Variants in ARMC3 observed in about 807,000 individuals in gnomAD.
The protein encoded by ARMC3 is armadillo repeat-containing protein 3.
Under a neutral mutation model 90.3 loss-of-function variants are expected in ARMC3, and 74 were observed. That is an observed-to-expected ratio of 0.82 (90% CI 0.68 to 0.99). The LOEUF (loss-of-function observed/expected upper bound fraction) is 0.99. ARMC3 is among the 50% of genes least tolerant of loss of function. ARMC3 has a pLI of 0.00. For synonymous variants in ARMC3, 334 were observed against 361.8 expected (o/e 0.92, Z 0.87); for missense variants, 958 against 1,042.8 (o/e 0.92, Z 1.12).
At chr10:22,988,614 T>C (rs557193678) in intron 10 of ARMC3, among the ~76,000 whole-genome samples, 123 of 152,318 alleles carry the variant, frequency 8.1e-4, no homozygotes, top group African/African-American at 2.7e-3. Context: ...CTGAGTGCAG[T>C]GAATGATGAT....
chr10:22,970,385 G>C (rs144557063), intron 8 of ARMC3, among the ~76,000 whole-genome samples: 2 of 152,174 alleles, frequency 1.3e-5, no homozygotes, highest in Non-Finnish European at 2.9e-5. Flanking sequence ...AACACTGAGC[G>C]CTCAGGCTAT....
At chr10:22,951,553 C>T (rs1834740675) in intron 3 of ARMC3, among the ~76,000 whole-genome samples, 1 of 151,158 alleles carries the variant, frequency 6.6e-6, no homozygotes, top group South Asian at 2.1e-4. Flanking sequence ...TAAGTGATTC[C>T]AATAACACAA....
intron 7 of ARMC3, among the ~76,000 whole-genome samples, chr10:22,963,406 T>C (rs1835289246): frequency 6.6e-6 from 1 of 152,100 alleles, no homozygotes; most frequent in Non-Finnish European, 1.5e-5. Context: ...TGTATATATG[T>C]ATATATTCTA....
intron 16 of ARMC3, among the ~76,000 whole-genome samples, chr10:23,014,771 A>C (rs1053710568): frequency 3.3e-5 from 5 of 151,204 alleles, no homozygotes; most frequent in African/African-American, 1.2e-4. Context: ...GGACCCATAG[A>C]GGGGAACAAC....
chr10:22,976,229 GTCCTCTTTTT>G (rs1835915914), intron 8 of ARMC3, among the ~76,000 whole-genome samples: 2 of 152,110 alleles, frequency 1.3e-5, no homozygotes, highest in African/African-American at 4.8e-5. Context: ...TTGCCCCAGG[GTCCTCTTTTT>G]CTCCTTTTCT....
At chr10:22,974,730 G>C (rs1476295951) in intron 8 of ARMC3, among the ~76,000 whole-genome samples, 2 of 151,868 alleles carry the variant, frequency 1.3e-5, no homozygotes, top group Non-Finnish European at 2.9e-5. Context: ...GCAACCTCCG[G>C]CTCCTGGGTC....
intron 3 of ARMC3, among the ~76,000 whole-genome samples, chr10:22,954,949 T>C (rs1834870266): frequency 6.6e-6 from 1 of 152,136 alleles, no homozygotes; most frequent in Non-Finnish European, 1.5e-5. Context: ...TCAGTCTGCG[T>C]CCTAAGGCCA....
chr10:22,936,722 T>G (rs948991921), intron 2 of ARMC3, among the ~76,000 whole-genome samples: 1 of 152,184 alleles, frequency 6.6e-6, no homozygotes, highest in Non-Finnish European at 1.5e-5. Flanking sequence ...ATAGCTATCA[T>G]TTATTCTCAG....
intron 16 of ARMC3, among the ~76,000 whole-genome samples, chr10:23,012,359 A>G (rs1838054127): frequency 6.6e-6 from 1 of 152,082 alleles, no homozygotes; most frequent in African/African-American, 2.4e-5. Flanking sequence ...CTATCTTCTC[A>G]TCCTTTGCAA....
At chr10:22,941,079 A>G (rs1834308948) in intron 2 of ARMC3, among the ~76,000 whole-genome samples, 1 of 152,184 alleles carries the variant, frequency 6.6e-6, no homozygotes, top group South Asian at 2.1e-4. Context: ...GCCACATGAA[A>G]GAAGCGTACA....
chr10:23,009,960 G>T (rs953143598), intron 16 of ARMC3, among the ~76,000 whole-genome samples: 2 of 152,104 alleles, frequency 1.3e-5, no homozygotes, highest in African/African-American at 4.8e-5. Flanking sequence ...AGGAGGCTGG[G>T]CCCCAAGTCT....
intron 16 of ARMC3, among the ~76,000 whole-genome samples, chr10:23,021,823 T>A (rs997873941): frequency 6.6e-6 from 1 of 152,216 alleles, no homozygotes; most frequent in Admixed American, 6.5e-5. Flanking sequence ...AGCTGTTTGT[T>A]TTTTTACTGT....
At position 22,968,316 on chromosome 10, in the gene ARMC3, A is replaced by C; in HGVS notation, c.743A>C (p.Asp248Ala). 5 of 1,613,616 alleles carry C rather than the reference A, an allele frequency of 3.1e-6. No individual in the cohort carries two copies. Among genetic ancestry groups the C allele is most frequent in the Non-Finnish European group, 4.2e-6 (5 of 1,179,630 alleles). Residue 248 changes from aspartate to alanine, a missense_variant, in exon 8 of 19, where the codon GAC (aspartate) becomes GCC (alanine). Asp to Ala is a moderately radical substitution (Grantham distance 126). Coordinates refer to ENST00000298032, the MANE Select transcript of ARMC3 (RefSeq NM_173081.5). ...TGCTTTTATTATTAGGAATTGAATGACCTTCATATAGAAGCACTTGCAGTG... is the reference window on the plus strand; with the variant it reads ...TGCTTTTATTATTAGGAATTGAATGCCCTTCATATAGAAGCACTTGCAGTG... ...IKILETKELN[D>A]LHIEALAVIA...
At chr10:22,946,526 G>T (rs1478233589) in intron 3 of ARMC3, 3 of 250,190 alleles carry the variant, frequency 1.2e-5, no homozygotes, top group South Asian at 7.0e-5. Flanking sequence ...TGTCACAGAA[G>T]CTAAAAGAAC....
Position 22,986,021 on chromosome 10 carries a change from T to A in ARMC3, c.1175+4321T>A, listed in dbSNP as rs558457469. 2.0e-4 allele frequency among the ~76,000 whole-genome samples: 30 copies of A among 151,974 alleles called. No individual in the cohort carries two copies. In the South Asian group the frequency reaches 6.2e-3, roughly 32 times the overall value. ...CTCCTTCCCTGCTGCCCTTTTCACATACCCTTATCATTTTCTAACATAGCA... is the reference window on the plus strand; with the variant it reads ...CTCCTTCCCTGCTGCCCTTTTCACAAACCCTTATCATTTTCTAACATAGCA... On this transcript the variant is annotated intron_variant, in intron 10 of 18. Transcript: ENST00000298032.
At chr10:23,035,492 T>A (rs1214468848) in intron 18 of ARMC3, among the ~76,000 whole-genome samples, 1 of 152,136 alleles carries the variant, frequency 6.6e-6, no homozygotes, top group Non-Finnish European at 1.5e-5. Context: ...CAATACTCAC[T>A]GGTAAAATAT....
intron 2 of ARMC3, among the ~76,000 whole-genome samples, chr10:22,941,212 A>G (rs544361950): frequency 7.2e-5 from 11 of 152,186 alleles, no homozygotes; most frequent in African/African-American, 2.7e-4. Context: ...AATCAACTGC[A>G]ATGAGGCAGG....
chr10:22,999,663 AG>A (rs1837188347), intron 11 of ARMC3, among the ~76,000 whole-genome samples: 1 of 152,250 alleles, frequency 6.6e-6, no homozygotes. Flanking sequence ...TGAGGCTTAA[AG>A]AAATATGCTC....
At chr10:23,022,781 T>C (rs1289782466) in intron 16 of ARMC3, among the ~76,000 whole-genome samples, 2 of 152,004 alleles carry the variant, frequency 1.3e-5, no homozygotes, top group South Asian at 4.2e-4. Context: ...ACACAGCAAG[T>C]ATACCTGAGG....
Sources: allele counts gnomAD v4.1 joint callset (sites outside exome capture counted in the v4.1 genomes callset), GRCh38; gene constraint gnomAD v4.1.1; transcripts MANE v1.5; gene names NCBI Gene and HGNC (gene_info 2026-07-23, HGNC 2026-07-21).